The following PLD5 variants were observed in gnomAD, a reference collection of about 807,000 sequenced individuals.
PLD5 encodes phospholipase D family member 5, also known as inactive phospholipase D5.
A neutral mutation model predicts 61.1 loss-of-function variants in PLD5; 36 were observed. The observed-to-expected ratio is 0.59, with a 90% CI of 0.45 to 0.78. The LOEUF is 0.78. PLD5 is among the 30% of genes least tolerant of loss of function. The pLI, the probability that PLD5 is intolerant of heterozygous loss-of-function variation, is 0.00. For synonymous variants in PLD5, 243 were observed against 242.8 expected (o/e 1.00, Z -0.01); for missense variants, 515 against 644.4 (o/e 0.80, Z 2.17).
chr1:242,398,206 G>T (rs1558531565), intron 1 of PLD5, among the ~76,000 whole-genome samples: 1 of 152,176 alleles, frequency 6.6e-6, no homozygotes, highest in Non-Finnish European at 1.5e-5. Context: ...TGAGGTCCCA[G>T]CAATACAGCA....
chr1:242,163,692 T>C (rs1177262241), intron 5 of PLD5, among the ~76,000 whole-genome samples: 1 of 152,152 alleles, frequency 6.6e-6, no homozygotes, highest in Non-Finnish European at 1.5e-5. Flanking sequence ...GAATTTGGGC[T>C]GGGTTGACTA....
At chr1:242,302,542 A>C (rs1194539453) in intron 2 of PLD5, among the ~76,000 whole-genome samples, 3 of 152,074 alleles carry the variant, frequency 2.0e-5, no homozygotes, top group Non-Finnish European at 4.4e-5. Flanking sequence ...ACACAGCAAG[A>C]CCTGTCTCTA....
intron 7 of PLD5, among the ~76,000 whole-genome samples, chr1:242,111,119 T>A (rs1661454462): frequency 6.6e-6 from 1 of 151,594 alleles, no homozygotes; most frequent in Admixed American, 6.6e-5. Context: ...TGCAATGGCG[T>A]GATCTTGGCT....
At chr1:242,326,666 T>C (rs967620057) in intron 2 of PLD5, among the ~76,000 whole-genome samples, 1 of 152,054 alleles carries the variant, frequency 6.6e-6, no homozygotes, top group African/African-American at 2.4e-5. Context: ...TCTCTTTTGG[T>C]TATTAGCTTT....
chr1:242,172,230 A>C (rs1666804752), intron 5 of PLD5, among the ~76,000 whole-genome samples: 1 of 152,250 alleles, frequency 6.6e-6, no homozygotes, highest in South Asian at 2.1e-4. Flanking sequence ...AATTCACTCA[A>C]AACTGCACAA....
At chr1:242,435,665 G>A (rs1031849469) in intron 1 of PLD5, among the ~76,000 whole-genome samples, 1 of 152,142 alleles carries the variant, frequency 6.6e-6, no homozygotes, top group Non-Finnish European at 1.5e-5. Context: ...TGAAAAAAAT[G>A]TTGTGACCAG....
chr1:242,330,360 C>T (rs1403572982), intron 2 of PLD5, among the ~76,000 whole-genome samples: 3 of 152,200 alleles, frequency 2.0e-5, no homozygotes, highest in Non-Finnish European at 1.5e-5. Flanking sequence ...CATTCTGTGA[C>T]AACATTGAGC....
rs544786995 is a variant in PLD5 at position 242,223,774 on chromosome 1, T to G, written c.608-3659A>C. On this transcript the variant is annotated intron_variant, in intron 4 of 9. Transcript: ENST00000536534. The stretch of plus-strand genomic sequence containing the variant: ...CCCCATTGCAAATTACCTGTTTTTC[T>G]ATCTAAATATTGATGCTCCATCTAT... 2.0e-4 allele frequency among the ~76,000 whole-genome samples: 30 copies of G among 152,312 alleles called. No individual in the cohort carries two copies. In the East Asian group the frequency reaches 5.8e-3, roughly 29 times the overall value.
At chr1:242,269,027 G>C (rs1213275795) in intron 3 of PLD5, among the ~76,000 whole-genome samples, 2 of 151,984 alleles carry the variant, frequency 1.3e-5, no homozygotes, top group Non-Finnish European at 2.9e-5. Context: ...ATTTTTAGTA[G>C]AGATAGGGTT....
chr1:242,416,071 C>T (rs1330780850), intron 1 of PLD5, among the ~76,000 whole-genome samples: 2 of 151,372 alleles, frequency 1.3e-5, no homozygotes, highest in Admixed American at 6.6e-5. Flanking sequence ...CTTTCAGTAA[C>T]TGTATTGTTG....
chr1:242,386,219 C>T (rs1040072389), intron 1 of PLD5, among the ~76,000 whole-genome samples: 2 of 152,160 alleles, frequency 1.3e-5, no homozygotes, highest in Non-Finnish European at 2.9e-5. Context: ...CAAATAAGGT[C>T]TCATTCTGAG....
intron 1 of PLD5, among the ~76,000 whole-genome samples, chr1:242,447,991 C>G (rs1666616016): frequency 6.6e-6 from 1 of 152,352 alleles, no homozygotes; most frequent in African/African-American, 2.4e-5. Flanking sequence ...CATTCCGAAG[C>G]ACTCAGAGTC....
chr1:242,125,012 T>C (rs1326394749), intron 5 of PLD5, among the ~76,000 whole-genome samples: 4 of 152,114 alleles, frequency 2.6e-5, no homozygotes, highest in Non-Finnish European at 2.9e-5. Context: ...TCAATTTTAC[T>C]TGCAACATAA....
intron 5 of PLD5, among the ~76,000 whole-genome samples, chr1:242,173,390 G>T (rs1254442330): frequency 1.3e-5 from 2 of 152,110 alleles, no homozygotes; most frequent in African/African-American, 4.8e-5. Context: ...ACTGTTCAAC[G>T]AAATAAAAGA....
intron 3 of PLD5, among the ~76,000 whole-genome samples, chr1:242,277,297 C>T (rs1674467533): frequency 6.6e-6 from 1 of 152,030 alleles, no homozygotes; most frequent in Admixed American, 6.5e-5. Flanking sequence ...GGAAGAGGAC[C>T]CCACGCAGAA....
At chr1:242,363,454 TAAAAAA>T (rs201808284) in intron 1 of PLD5, among the ~76,000 whole-genome samples, 1 of 118,938 alleles carries the variant, frequency 8.4e-6, no homozygotes, top group African/African-American at 3.1e-5. Context: ...CCTGTCTCTT[TAAAAAA>T]AAAAAAAAAA....
chr1:242,251,664 A>G (rs1468800004), intron 4 of PLD5, among the ~76,000 whole-genome samples: 3 of 152,104 alleles, frequency 2.0e-5, no homozygotes, highest in Non-Finnish European at 4.4e-5. Context: ...GCCAGAGGGG[A>G]TCTAGGATGG....
chr1:242,342,537 T>C (rs567417597), intron 2 of PLD5, among the ~76,000 whole-genome samples: 1 of 152,304 alleles, frequency 6.6e-6, no homozygotes, highest in South Asian at 2.1e-4. Context: ...AGTCACAGGA[T>C]GCATGCAACC....
intron 5 of PLD5, among the ~76,000 whole-genome samples, chr1:242,144,193 A>G (rs1465227664): frequency 8.2e-6 from 1 of 122,038 alleles, no homozygotes; most frequent in Non-Finnish European, 1.8e-5. Context: ...TTTAAAAAAT[A>G]TTATTAAACA....
Sources: allele counts gnomAD v4.1 joint callset (sites outside exome capture counted in the v4.1 genomes callset), GRCh38; gene constraint gnomAD v4.1.1; transcripts MANE v1.5; gene names NCBI Gene and HGNC (gene_info 2026-07-23, HGNC 2026-07-21).